The following SUSD6 variants were observed in gnomAD, a reference collection of about 807,000 sequenced individuals.
SUSD6 encodes the protein sushi domain containing 6.
SUSD6 carries 16 observed loss-of-function variants against 28.4 expected under a neutral mutation model. The ratio of observed to expected loss-of-function variants is 0.56; its 90% CI spans 0.38 to 0.86. SUSD6 has a LOEUF of 0.86. Ranked by LOEUF, SUSD6 falls within the 40% of genes least tolerant of loss-of-function variation. The probability of loss-of-function intolerance (pLI) is 0.00; values close to 1 mark genes in which losing one functional copy is unlikely to be tolerated. For synonymous variants in SUSD6, 147 were observed against 159.6 expected (o/e 0.92, Z 0.59); for missense variants, 341 against 384.2 (o/e 0.89, Z 0.94).
intron 2 of SUSD6, among the ~76,000 whole-genome samples, chr14:69,693,055 A>G (rs1048091097): frequency 4.6e-5 from 7 of 152,218 alleles, no homozygotes; most frequent in African/African-American, 1.7e-4. Flanking sequence ...AAACAGTAAC[A>G]CTTGCTAATA....
At chr14:69,702,942 C>G (rs913489316) in intron 2 of SUSD6, among the ~76,000 whole-genome samples, 7 of 152,168 alleles carry the variant, frequency 4.6e-5, no homozygotes, top group Non-Finnish European at 8.8e-5. Context: ...GAAATCCCCT[C>G]TCAGGCCAAG....
At chr14:69,660,404 G>T (rs538916326) in intron 2 of SUSD6, among the ~76,000 whole-genome samples, 2 of 152,304 alleles carry the variant, frequency 1.3e-5, no homozygotes, top group South Asian at 4.1e-4. Context: ...GGCATGAGGA[G>T]CCCCTGGCAC....
At chr14:69,649,538 C>A (rs1282072455) in intron 1 of SUSD6, among the ~76,000 whole-genome samples, 1 of 152,206 alleles carries the variant, frequency 6.6e-6, no homozygotes, top group Non-Finnish European at 1.5e-5. Context: ...GTTATTTTGC[C>A]ATTTTGTATT....
intron 1 of SUSD6, among the ~76,000 whole-genome samples, chr14:69,657,821 C>G (rs191693198): frequency 7.4e-4 from 113 of 152,278 alleles, no homozygotes; most frequent in Middle Eastern, 3.4e-3. Context: ...CTACTGGTTC[C>G]TATTTTTCTG....
At chr14:69,613,566 G>C (rs1018144502) in intron 1 of SUSD6, among the ~76,000 whole-genome samples, 2 of 152,236 alleles carry the variant, frequency 1.3e-5, no homozygotes, top group African/African-American at 4.8e-5. Context: ...GCCAGGCACT[G>C]TGCTAGGTAT....
intron 2 of SUSD6, among the ~76,000 whole-genome samples, chr14:69,668,769 G>A (rs2093408): frequency 0.09 from 13,632 of 152,086 alleles, 688 homozygotes; most frequent in East Asian, 0.18. Context: ...CTCATGAATG[G>A]CTTGGGCGAT....
intron 1 of SUSD6, among the ~76,000 whole-genome samples, chr14:69,635,594 A>ACC (rs1472897090): frequency 1.0e-5 from 1 of 100,324 alleles, no homozygotes; most frequent in African/African-American, 3.8e-5. Flanking sequence ...CCCAAGGCAC[A>ACC]CCACACACAC....
At chr14:69,708,572 A>G in intron 4 of SUSD6, 105 bp from the exon 5 acceptor site, 2 of 928,938 alleles carry the variant, frequency 2.2e-6, no homozygotes, top group South Asian at 1.7e-5. Context: ...TGCCTGGCAC[A>G]TAGTAAGTGC....
At chr14:69,627,742 G>A (rs1020335322) in intron 1 of SUSD6, among the ~76,000 whole-genome samples, 4 of 151,774 alleles carry the variant, frequency 2.6e-5, no homozygotes, top group African/African-American at 9.7e-5. Context: ...GGGATTACAG[G>A]CGTGAGCCAC....
intron 1 of SUSD6, among the ~76,000 whole-genome samples, chr14:69,627,347 A>G (rs940900556): frequency 1.3e-5 from 2 of 152,214 alleles, no homozygotes; most frequent in African/African-American, 4.8e-5. Context: ...GACACCAGGG[A>G]GAGGCATGGC....
At chr14:69,611,975 T>G (rs1278337605) in intron 1 of SUSD6, 147 bp downstream of exon 1, 2 of 149,596 alleles carry the variant, frequency 1.3e-5, no homozygotes, top group Non-Finnish European at 3.0e-5. Context: ...CTCCCCGCGC[T>G]TCTCTGCGCC....
intron 2 of SUSD6, among the ~76,000 whole-genome samples, chr14:69,677,402 C>T (rs1885927442): frequency 6.6e-6 from 1 of 152,054 alleles, no homozygotes; most frequent in African/African-American, 2.4e-5. Flanking sequence ...AAAAAATTAG[C>T]TGGGCGTGGT....
intron 5 of SUSD6, among the ~76,000 whole-genome samples, 169 bp downstream of exon 5, chr14:69,709,273 G>C (rs1009980590): frequency 2.0e-5 from 3 of 152,174 alleles, no homozygotes. Flanking sequence ...ACTGAGTAGG[G>C]CTTTGGGCTC....
At chr14:69,670,535 C>A (rs1001810659) in intron 2 of SUSD6, 3 of 456,474 alleles carry the variant, frequency 6.6e-6, no homozygotes, top group African/African-American at 6.0e-5. Flanking sequence ...TATGGGGAGA[C>A]AAGGTGGCAT....
chr14:69,696,861 A>G (rs1296134014), intron 2 of SUSD6, among the ~76,000 whole-genome samples: 15 of 152,240 alleles, frequency 9.9e-5, no homozygotes, highest in Non-Finnish European at 1.8e-4. Flanking sequence ...TCCACAAGAA[A>G]GAATTCAGGG....
intron 1 of SUSD6, among the ~76,000 whole-genome samples, chr14:69,622,630 G>A (rs1471931575): frequency 1.3e-5 from 2 of 152,088 alleles, no homozygotes; most frequent in African/African-American, 4.8e-5. Context: ...GTCTCACTCT[G>A]TTGCGCAGGC....
At chr14:69,621,597 G>T (rs1179907371) in intron 1 of SUSD6, among the ~76,000 whole-genome samples, 3 of 152,220 alleles carry the variant, frequency 2.0e-5, no homozygotes, top group African/African-American at 4.8e-5. Context: ...CTAGAATTCT[G>T]TTCTTTTAAA....
chr14:69,700,552 T>C (rs1886299196), intron 2 of SUSD6, among the ~76,000 whole-genome samples: 1 of 152,236 alleles, frequency 6.6e-6, no homozygotes, highest in African/African-American at 2.4e-5. Context: ...CCAGCCAAAC[T>C]GGGCTGCTTG....
chr14:69,637,199 C>T (rs1244347425), intron 1 of SUSD6, among the ~76,000 whole-genome samples: 1 of 152,246 alleles, frequency 6.6e-6, no homozygotes, highest in Middle Eastern at 3.4e-3. Context: ...CTGGCTAATA[C>T]CTTCTAAAGC....
Sources: allele counts gnomAD v4.1 joint callset (sites outside exome capture counted in the v4.1 genomes callset), GRCh38; gene constraint gnomAD v4.1.1; transcripts MANE v1.5; gene names NCBI Gene and HGNC (gene_info 2026-07-23, HGNC 2026-07-21).